The following SMARCA2 variants were observed in gnomAD, a reference collection of about 807,000 sequenced individuals.
SMARCA2 encodes the protein SWI/SNF-related matrix-associated actin-dependent regulator of chromatin subfamily A member 2.
Under a neutral mutation model 199.8 loss-of-function variants are expected in SMARCA2, and 61 were observed. The observed-to-expected ratio is 0.31, with a 90% CI of 0.25 to 0.38. The LOEUF is 0.38. SMARCA2 is among the 10% of genes least tolerant of loss of function. The pLI is 1.00. For synonymous variants in SMARCA2, 935 were observed against 732.0 expected (o/e 1.28, Z -4.48); for missense variants, 1,344 against 2,012.2 (o/e 0.67, Z 6.35).
At chr9:2,125,902 C>T (rs886840729) in intron 27 of SMARCA2, among the ~76,000 whole-genome samples, 6 of 152,228 alleles carry the variant, frequency 3.9e-5, no homozygotes, top group Non-Finnish European at 8.8e-5. Context: ...TAAAAATAAT[C>T]ATTGGGAATT....
intron 29 of SMARCA2, among the ~76,000 whole-genome samples, chr9:2,179,611 C>T (rs1392246259): frequency 6.6e-6 from 1 of 152,102 alleles, no homozygotes; most frequent in African/African-American, 2.4e-5. Flanking sequence ...TTAGCCTTAC[C>T]CCTTAGAGCT....
At chr9:2,021,162 T>C in intron 1 of SMARCA2, among the ~76,000 whole-genome samples, 1 of 152,314 alleles carries the variant, frequency 6.6e-6, no homozygotes, top group African/African-American at 2.4e-5. Context: ...CAAGCAGTAA[T>C]ATTTTAGAAA....
rs1821694945 is a variant in SMARCA2 at position 2,084,169 on chromosome 9, T to C, written c.2499T>C (p.Ile833=). The change falls in exon 17 of 34, where the codon ATT becomes ATC. Residue 833 remains isoleucine, a synonymous_variant. Coordinates refer to ENST00000349721, the MANE Select transcript of SMARCA2 (RefSeq NM_003070.5). ...FNVLLTTYEY[I]IKDKHILAKI... The stretch of plus-strand genomic sequence containing the variant: ...TCCTCTTGACTACTTATGAGTATAT[T>C]ATAAAAGACAAGCACATTCTTGCAA... 6.2e-7 allele frequency: 1 copy of C among 1,600,672 alleles called. No individual in the cohort carries two copies. Among genetic ancestry groups the C allele is most frequent in the African/African-American group, 1.3e-5 (1 of 74,698 alleles).
intron 15 of SMARCA2, 108 bp from the exon 16 acceptor site, chr9:2,083,239 C>G (rs1400396713): frequency 1.5e-6 from 1 of 651,766 alleles, no homozygotes; most frequent in African/African-American, 1.8e-5. Context: ...ATGTTATATT[C>G]TGTAGCCCCT....
At chr9:2,109,358 G>A (rs964166370) in intron 23 of SMARCA2, among the ~76,000 whole-genome samples, 1 of 151,574 alleles carries the variant, frequency 6.6e-6, no homozygotes, top group Admixed American at 6.6e-5. Context: ...CTTCCACAAT[G>A]CATTTCATGA....
intron 28 of SMARCA2, among the ~76,000 whole-genome samples, chr9:2,168,640 T>A (rs1371179584): frequency 6.6e-5 from 10 of 152,260 alleles, no homozygotes; most frequent in Admixed American, 6.5e-4. Context: ...AATGGATCTT[T>A]ACACTGGCAT....
chr9:2,046,562 A>G (rs1373586175), intron 4 of SMARCA2, among the ~76,000 whole-genome samples: 3 of 152,192 alleles, frequency 2.0e-5, no homozygotes, highest in Admixed American at 6.5e-5. Context: ...TATAGGCCTT[A>G]AAAGAAAAAG....
chr9:2,113,762 C>A (rs536760871), intron 24 of SMARCA2, among the ~76,000 whole-genome samples: 1 of 152,302 alleles, frequency 6.6e-6, no homozygotes, highest in South Asian at 2.1e-4. Context: ...TGCTTCCTCA[C>A]CTGTTCTATT....
In SMARCA2 at chr9:2,169,516, C is replaced by T. The variant is rs1240926988; in HGVS notation, c.4200-903C>T. On this transcript the variant is annotated intron_variant, in intron 28 of 33. Transcript: ENST00000349721. The surrounding 1 kb of genome is among the most constrained non-coding windows in gnomAD (Gnocchi z 6.5). ...AGCGAGCACATGCGCTTCCACCCCTCTGTTGATTTGTTTATGGGTTTATGC... is the reference window on the plus strand; with the variant it reads ...AGCGAGCACATGCGCTTCCACCCCTTTGTTGATTTGTTTATGGGTTTATGC... Among the ~76,000 whole-genome samples, 1 of 152,182 alleles carries T rather than the reference C, an allele frequency of 6.6e-6. No individual in the cohort carries two copies. Among genetic ancestry groups the T allele is most frequent in the Non-Finnish European group, 1.5e-5 (1 of 68,032 alleles).
rs558697225 is a variant in SMARCA2 at position 2,163,124 on chromosome 9, T to A, written c.4199+1221T>A. Among the ~76,000 whole-genome samples, 3 of 152,340 alleles carry A rather than the reference T, an allele frequency of 2.0e-5. No individual in the cohort carries two copies. In the East Asian group the frequency reaches 5.8e-4, roughly 29 times the overall value. On this transcript the variant is annotated intron_variant, in intron 28 of 33. Transcript: ENST00000349721. ...AAGTGGTATAAAAAGCAAGAAACTT[T>A]CCACCATGGGGTTTTGCTGTTAAGC...
At chr9:2,073,702 G>T in intron 12 of SMARCA2, 79 bp downstream of exon 12, 1 of 1,067,452 alleles carries the variant, frequency 9.4e-7, no homozygotes, top group Non-Finnish European at 1.4e-6. Context: ...GTAAGCCCGG[G>T]CCTTGGGTCC....
At chr9:2,159,767 A>G in intron 27 of SMARCA2, 2 of 1,565,174 alleles carry the variant, frequency 1.3e-6, no homozygotes, top group Non-Finnish European at 1.7e-6. Context: ...AATTACTTGT[A>G]TATGAAAACA....
At position 2,096,599 on chromosome 9, in the gene SMARCA2, T is replaced by C. The variant is rs1474112224; in HGVS notation, c.2884-58T>C. 6 of 1,074,812 alleles carry C rather than the reference T, an allele frequency of 5.6e-6. No individual in the cohort carries two copies. The African/African-American group carries it at 9.3e-5, about 17-fold the overall frequency. The allele number at this position is 1,074,812 out of a possible 1,614,324, so 66.6% of individuals were successfully genotyped here. On this transcript the variant is annotated intron_variant, in intron 19 of 33. Transcript: ENST00000349721. ...GAGTGACACTGACTCAGCAGTCTTC[T>C]TAGAACAGGCGCCTTCTCCTTCCTG...
rs1822656981 is a variant in SMARCA2 at position 2,104,275 on chromosome 9, T to C, written c.3292+106T>C. 7 of 1,059,876 alleles carry C rather than the reference T, an allele frequency of 6.6e-6. No individual in the cohort carries two copies. Among genetic ancestry groups the C allele is most frequent in the Non-Finnish European group, 9.6e-6 (7 of 730,422 alleles). 65.7% of individuals were successfully genotyped at this position (1,059,876 alleles called of 1,614,324 possible). A position where few individuals can be genotyped will look rare whatever the true frequency, so the allele number is the denominator to read the frequency against. ...AAAAAGAAGGGGTAAAATTGAAGAATTGACTAGAAGCATTGGGAGCAGTTT... is the reference window on the plus strand; with the variant it reads ...AAAAAGAAGGGGTAAAATTGAAGAACTGACTAGAAGCATTGGGAGCAGTTT... On this transcript the variant is annotated intron_variant, in intron 23 of 33. Coordinates refer to ENST00000349721, the MANE Select transcript of SMARCA2 (RefSeq NM_003070.5). This position sits in a 1 kb window ranked among gnomAD's most constrained non-coding sequence, Gnocchi z 4.0.
At position 2,119,821 on chromosome 9, in the gene SMARCA2, G is replaced by C. The variant is rs1480236874; in HGVS notation, c.3762+286G>C. ...CGGGCAGTACCAGGCCCACATCTTT[G>C]TGTGGAAACAGTTGGCCAGGGCTGA... On this transcript the variant is annotated intron_variant, in intron 26 of 33. Transcript: ENST00000349721. The surrounding 1 kb of genome is among the most constrained non-coding windows in gnomAD (Gnocchi z 4.6). Among the ~76,000 whole-genome samples, 1 of 152,228 alleles carries C rather than the reference G, an allele frequency of 6.6e-6. No individual in the cohort carries two copies. The highest frequency in any genetic ancestry group is 6.5e-5 in the Admixed American group (1 of 15,288).
intron 27 of SMARCA2, among the ~76,000 whole-genome samples, chr9:2,154,675 C>A (rs1201552153): frequency 6.6e-6 from 1 of 152,206 alleles, no homozygotes; most frequent in Non-Finnish European, 1.5e-5. Context: ...AGGCCTCACA[C>A]ATTCATGAAG....
At chr9:2,149,771 A>C (rs1169127539) in intron 27 of SMARCA2, among the ~76,000 whole-genome samples, 2 of 151,602 alleles carry the variant, frequency 1.3e-5, no homozygotes, top group Non-Finnish European at 3.0e-5. Context: ...GATTCATTTT[A>C]AAGTTTATTG....
In SMARCA2 at chr9:2,181,567, A is replaced by G. The variant is rs1159432375; in HGVS notation, c.4254-4A>G. The G allele has an allele frequency of 4.0e-6, 6 of 1,500,516 alleles. No homozygotes were observed. In the African/African-American group the frequency reaches 4.1e-5, roughly 10 times the overall value. The allele number at this position is 1,500,516 out of a possible 1,614,324, so 93.0% of individuals were successfully genotyped here. A position where few individuals can be genotyped will look rare whatever the true frequency, so the allele number is the denominator to read the frequency against. ...TGTTTTTGTTTGTTTCACCCATCCT[A>G]CAGTTCAGGGCGACAGCTCAGTGAA... On this transcript the variant is annotated splice_polypyrimidine_tract_variant and splice_region_variant and intron_variant, in intron 29 of 33. Coordinates refer to ENST00000349721, the MANE Select transcript of SMARCA2 (RefSeq NM_003070.5).
At chr9:2,083,760 C>A (rs375450359) in intron 16 of SMARCA2, among the ~76,000 whole-genome samples, 2 of 152,244 alleles carry the variant, frequency 1.3e-5, no homozygotes, top group African/African-American at 4.8e-5. Context: ...CCCGGATGCC[C>A]GGGGCTGCCT....
Sources: allele counts gnomAD v4.1 joint callset (sites outside exome capture counted in the v4.1 genomes callset), GRCh38; gene constraint gnomAD v4.1.1; non-coding constraint Gnocchi (gnomAD v3.1); transcripts MANE v1.5; gene names NCBI Gene and HGNC (gene_info 2026-07-23, HGNC 2026-07-21).